The following NFIB variants were observed in gnomAD, a reference collection of about 807,000 sequenced individuals.
NFIB encodes nuclear factor I B, also known as nuclear factor 1 B-type.
A neutral mutation model predicts 61.5 loss-of-function variants in NFIB; 11 were observed. That is an observed-to-expected ratio of 0.18 (90% CI 0.11 to 0.30). NFIB has a LOEUF of 0.30. Ranked by LOEUF, NFIB falls within the 10% of genes least tolerant of loss-of-function variation. The pLI, the probability that NFIB is intolerant of heterozygous loss-of-function variation, is 1.00. For synonymous variants in NFIB, 260 were observed against 216.5 expected (o/e 1.20, Z -1.76); for missense variants, 471 against 608.9 (o/e 0.77, Z 2.38).
intron 1 of NFIB, among the ~76,000 whole-genome samples, chr9:14,376,185 C>CA (rs2061417212): frequency 6.6e-6 from 1 of 152,166 alleles, no homozygotes; most frequent in African/African-American, 2.4e-5. Context: ...TTCAGCCTCC[C>CA]AAATGGCTGG....
At chr9:14,481,208 T>TATATATATATATAG in the NFIB span, among the ~76,000 whole-genome samples, 1 of 65,014 alleles carries the variant, frequency 1.5e-5, no homozygotes, top group Non-Finnish European at 3.1e-5. Flanking sequence ...TATATATATA[T>TATATATATATATAG]ATATATATAT....
At chr9:14,129,285 A>C (rs2040092763) in intron 6 of NFIB, among the ~76,000 whole-genome samples, 1 of 152,038 alleles carries the variant, frequency 6.6e-6, no homozygotes, top group African/African-American at 2.4e-5. Context: ...TTTCTCATTA[A>C]ATGAAATTAA....
chr9:14,277,655 A>T (rs1563968449), intron 2 of NFIB, among the ~76,000 whole-genome samples: 1 of 152,202 alleles, frequency 6.6e-6, no homozygotes, highest in Non-Finnish European at 1.5e-5. Flanking sequence ...ATAGATTAGA[A>T]GCCAAAGGAA....
At chr9:14,163,499 G>A (rs1308347480) in intron 3 of NFIB, among the ~76,000 whole-genome samples, 1 of 151,754 alleles carries the variant, frequency 6.6e-6, no homozygotes, top group Non-Finnish European at 1.5e-5. Context: ...AGCAGTATCA[G>A]CAACGGTTAA....
intron 2 of NFIB, among the ~76,000 whole-genome samples, chr9:14,200,539 G>A (rs867965908): frequency 6.6e-6 from 1 of 152,008 alleles, no homozygotes; most frequent in East Asian, 1.9e-4. Flanking sequence ...TTTAAAACAC[G>A]ACTTGACTTT....
chr9:14,146,206 C>A (rs2042260453), intron 6 of NFIB, among the ~76,000 whole-genome samples: 7 of 152,170 alleles, frequency 4.6e-5, no homozygotes, highest in Admixed American at 2.0e-4. Context: ...GACTCCAACA[C>A]AAAGTATCTT....
chr9:14,441,615 G>C, the NFIB span, among the ~76,000 whole-genome samples: 74 of 148,350 alleles, frequency 5.0e-4, no homozygotes, highest in Admixed American at 1.7e-3. Context: ...TTTCCTGCCT[G>C]TCATCTAACA....
At chr9:14,375,245 G>A (rs578173726) in intron 1 of NFIB, among the ~76,000 whole-genome samples, 2 of 152,290 alleles carry the variant, frequency 1.3e-5, no homozygotes, top group African/African-American at 4.8e-5. Context: ...CCAGTCTTAG[G>A]CCATGATATC....
Position 14,150,152 on chromosome 9 carries a change from G to C in NFIB, c.799C>G (p.Pro267Ala). The C allele has an allele frequency of 1.9e-6, 3 of 1,613,270 alleles. No individual in the cohort carries two copies. The highest frequency in any genetic ancestry group is 2.5e-6 in the Non-Finnish European group (3 of 1,179,474). Residue 267 changes from proline (P) to alanine (A), a missense_variant, in exon 5 of 11, where the codon CCA (proline) becomes GCA (alanine). Around this residue, in one of 2 missense-constraint regions of NFIB, gnomAD observed 372 missense variants for 395.6 expected, o/e 0.94. Transcript: ENST00000380953. ...CAGCCCTTCTTTCAGTACCTGCTTG[G>C]TGGAGAAGACAGAGACCTCTGAAGA... ...VNLQRSLSSP[P>A]SSKRPKTISI...
the NFIB span, among the ~76,000 whole-genome samples, chr9:14,429,384 C>A: frequency 6.6e-6 from 1 of 152,210 alleles, no homozygotes; most frequent in African/African-American, 2.4e-5. Flanking sequence ...AAGGCAGGAT[C>A]TGAATCCAGG....
intron 2 of NFIB, among the ~76,000 whole-genome samples, chr9:14,259,280 T>C (rs1049914741): frequency 1.3e-5 from 2 of 152,188 alleles, no homozygotes; most frequent in Non-Finnish European, 2.9e-5. Flanking sequence ...AAGGAAGTGA[T>C]GGTTCTTGGA....
At chr9:14,400,766 G>C (rs1011303274), upstream of NFIB, among the ~76,000 whole-genome samples, 1 of 152,200 alleles carries the variant, frequency 6.6e-6, no homozygotes, top group Non-Finnish European at 1.5e-5. Context: ...TTGAGAAAAA[G>C]TGGATCAGGA....
chr9:14,371,890 G>A (rs1210393167), intron 1 of NFIB, among the ~76,000 whole-genome samples: 2 of 152,144 alleles, frequency 1.3e-5, no homozygotes, highest in Non-Finnish European at 2.9e-5. Context: ...ACGAAGGAAT[G>A]GGAACTGACT....
chr9:14,331,123 G>C (rs1444362834), intron 1 of NFIB, among the ~76,000 whole-genome samples: 1 of 152,148 alleles, frequency 6.6e-6, no homozygotes, highest in Non-Finnish European at 1.5e-5. Context: ...GTACCATCAA[G>C]ACAAGTGATA....
intron 2 of NFIB, among the ~76,000 whole-genome samples, chr9:14,206,167 C>T (rs1160377686): frequency 7.1e-6 from 1 of 140,712 alleles, no homozygotes; most frequent in Admixed American, 7.4e-5. Context: ...AACTTACTAA[C>T]TCTCTCTCTC....
At chr9:14,107,581 T>TCG (rs2036754383) in intron 10 of NFIB, among the ~76,000 whole-genome samples, 1 of 152,142 alleles carries the variant, frequency 6.6e-6, no homozygotes, top group African/African-American at 2.4e-5. Context: ...TCAAGGGACT[T>TCG]TGGAGCTTAT....
the NFIB span, among the ~76,000 whole-genome samples, chr9:14,525,184 G>C: frequency 6.6e-6 from 1 of 152,174 alleles, no homozygotes; most frequent in African/African-American, 2.4e-5. Context: ...CACAGAGGGA[G>C]AGCTGAGCCC....
chr9:14,460,946 C>T, the NFIB span, among the ~76,000 whole-genome samples: 1 of 151,894 alleles, frequency 6.6e-6, no homozygotes, highest in Non-Finnish European at 1.5e-5. Context: ...ACCCAAGCTC[C>T]ACACCAGAAC....
At chr9:14,467,699 T>C in the NFIB span, among the ~76,000 whole-genome samples, 1 of 152,252 alleles carries the variant, frequency 6.6e-6, no homozygotes, top group Non-Finnish European at 1.5e-5. Context: ...TAAATACTTA[T>C]CAAACACCTA....
Sources: gnomAD v4.1 joint callset for allele counts (sites outside exome capture counted in the v4.1 genomes callset) on GRCh38, gnomAD v4.1.1 for gene constraint, gnomAD v4.1.1 regional missense constraint, MANE v1.5 for transcripts, NCBI Gene and HGNC (gene_info 2026-07-23, HGNC 2026-07-21) for gene names.